Variants in PRDM1 observed in about 807,000 individuals in gnomAD.
PRDM1 encodes the protein PR domain zinc finger protein 1.
A neutral mutation model predicts 62.8 loss-of-function variants in PRDM1; 13 were observed. The ratio of observed to expected loss-of-function variants is 0.21; its 90% CI spans 0.13 to 0.33. The LOEUF (loss-of-function observed/expected upper bound fraction) is 0.33. Among genes scored for constraint, PRDM1 ranks in the 10% least tolerant of loss-of-function variants. The probability of loss-of-function intolerance (pLI) is 1.00; values close to 1 mark genes in which losing one functional copy is unlikely to be tolerated. For synonymous variants in PRDM1, 396 were observed against 417.6 expected, an observed-to-expected ratio of 0.95 and a Z score of 0.63; for missense variants, 895 against 1,058.8, an observed-to-expected ratio of 0.85 and a Z score of 2.15.
Position 106,105,566 on chromosome 6 carries a change from C to T in PRDM1, c.1406C>T (p.Ser469Leu), listed in dbSNP as rs746535819. The change falls in exon 5 of 7, where the codon TCG becomes TTG. Residue 469 changes from serine to leucine, a missense_variant. Ser to Leu is a moderately radical substitution (Grantham distance 145). Around this residue, in one of 4 missense-constraint regions of PRDM1, gnomAD observed 444 missense variants for 422.7 expected, o/e 1.05. Coordinates refer to ENST00000369096, the MANE Select transcript of PRDM1 (RefSeq NM_001198.4). ...PMLNPTSLPSSLPSDGARRLL... is the reference protein window; with the variant it reads ...PMLNPTSLPSLLPSDGARRLL... ...CTCAACCCCACTTCTCTCCCGAGCT[C>T]GCTGCCCTCAGATGGAGCCCGGAGG... 14 of 1,612,764 alleles carry T rather than the reference C, an allele frequency of 8.7e-6. No homozygotes were observed. The highest frequency in any genetic ancestry group is 2.7e-5 in the African/African-American group (2 of 75,030).
chr6:106,093,544 C>G (rs1165269766), intron 2 of PRDM1, among the ~76,000 whole-genome samples: 1 of 152,106 alleles, frequency 6.6e-6, no homozygotes, highest in Non-Finnish European at 1.5e-5. Context: ...ATGGAATAAT[C>G]ACTGAAATAT....
chr6:106,071,939 C>T (rs1562159448), intron 1 of PRDM1: 2 of 152,206 alleles, frequency 1.3e-5, no homozygotes, highest in Admixed American at 6.5e-5. Context: ...GCCTGGCTCC[C>T]ACCCCAGCAT....
intron 2 of PRDM1, among the ~76,000 whole-genome samples, chr6:106,090,959 A>T (rs955631180): frequency 6.6e-6 from 1 of 152,088 alleles, no homozygotes; most frequent in African/African-American, 2.4e-5. Context: ...TGGGTTTAGA[A>T]TCATTCTGCA....
At chr6:106,098,848 A>G (rs1026724923) in intron 3 of PRDM1, 5 of 1,527,496 alleles carry the variant, frequency 3.3e-6, no homozygotes, top group African/African-American at 1.4e-5. Context: ...AGGCCATAGA[A>G]AAAGCTAAGA....
At chr6:106,090,189 G>T (rs1169642583) in intron 2 of PRDM1, among the ~76,000 whole-genome samples, 3 of 152,162 alleles carry the variant, frequency 2.0e-5, no homozygotes, top group Non-Finnish European at 4.4e-5. Context: ...GCCCCTCTTG[G>T]TGTCACTGTG....
intron 2 of PRDM1, among the ~76,000 whole-genome samples, chr6:106,092,232 T>C (rs1773985001): frequency 1.3e-5 from 2 of 151,896 alleles, no homozygotes; most frequent in South Asian, 4.1e-4. Flanking sequence ...CTTCATTGTG[T>C]AAAATTGAAA....
At chr6:106,059,278 G>GAT (rs1749965478) in intron 1 of PRDM1, among the ~76,000 whole-genome samples, 4 of 152,294 alleles carry the variant, frequency 2.6e-5, no homozygotes, top group Admixed American at 2.6e-4. Context: ...CACTATTTTA[G>GAT]ATAGAGCTCT....
intron 1 of PRDM1, among the ~76,000 whole-genome samples, chr6:105,998,933 ATTT>A (rs754830624): frequency 6.2e-4 from 4 of 6,404 alleles, no homozygotes; most frequent in Non-Finnish European, 1.1e-3. Flanking sequence ...ATATATATAT[ATTT>A]TTTTTTTTTT....
intron 1 of PRDM1, among the ~76,000 whole-genome samples, chr6:106,000,119 G>A (rs1582421374): frequency 6.6e-6 from 1 of 152,208 alleles, no homozygotes; most frequent in African/African-American, 2.4e-5. Flanking sequence ...AAAGTGCTGG[G>A]ATTACAGGCG....
intron 1 of PRDM1, among the ~76,000 whole-genome samples, chr6:106,061,974 A>G (rs749625601): frequency 6.6e-6 from 1 of 152,230 alleles, no homozygotes; most frequent in Non-Finnish European, 1.5e-5. Context: ...TGATTATCAG[A>G]TTGGCAAAGA....
chr6:106,036,325 CTAACT>C (rs1562149747), intron 1 of PRDM1, among the ~76,000 whole-genome samples: 1 of 151,458 alleles, frequency 6.6e-6, no homozygotes, highest in African/African-American at 2.4e-5. Context: ...ACCATGCACT[CTAACT>C]TAAGTAGAGA....
intron 1 of PRDM1, among the ~76,000 whole-genome samples, chr6:106,026,002 A>C (rs1449360229): frequency 6.6e-6 from 1 of 152,184 alleles, no homozygotes; most frequent in African/African-American, 2.4e-5. Flanking sequence ...ATCTTCCCTC[A>C]TATTCTCTAA....
rs1774482070 is a variant in PRDM1 at position 106,106,186 on chromosome 6, T to C, written c.1774-185T>C. 6.6e-6 allele frequency among the ~76,000 whole-genome samples: 1 copy of C among 152,232 alleles called. No homozygotes were observed. The highest frequency in any genetic ancestry group is 2.1e-4 in the South Asian group (1 of 4,830). ...GACTAGAAGATTAGGTGAAACTCCC[T>C]GCTAGCCTGTGATTTTTGTGCTTTT... On this transcript the variant is annotated intron_variant, in intron 5 of 6. Transcript: ENST00000369096. The surrounding 1 kb of genome is among the most constrained non-coding windows in gnomAD (Gnocchi z 4.4).
intron 1 of PRDM1, among the ~76,000 whole-genome samples, chr6:106,078,753 G>C (rs1379982219): frequency 6.6e-6 from 1 of 151,952 alleles, no homozygotes; most frequent in African/African-American, 2.4e-5. Flanking sequence ...GGTGCCTCTA[G>C]TCCTAGCTAC....
chr6:106,045,542 G>A (rs749012440), upstream of PRDM1: 1 of 152,132 alleles, frequency 6.6e-6, no homozygotes, highest in Non-Finnish European at 1.5e-5. Flanking sequence ...GCTAATCTTT[G>A]TACAGTATTT....
Position 106,106,680 on chromosome 6 carries a change from C to G in PRDM1, c.1902+181C>G, listed in dbSNP as rs1370154523. 6.6e-6 allele frequency among the ~76,000 whole-genome samples: 1 copy of G among 152,206 alleles called. No homozygotes were observed. Among genetic ancestry groups the G allele is most frequent in the Non-Finnish European group, 1.5e-5 (1 of 68,038 alleles). On this transcript the variant is annotated intron_variant, in intron 6 of 6. Transcript: ENST00000369096. The surrounding 1 kb of genome is among the most constrained non-coding windows in gnomAD (Gnocchi z 4.4). Reference sequence around the variant, plus strand: ...TATCTGCTGATGACTTGAGATGGCACAGCCAGCTTCCAGTGGGTGGGAAAA... The same window carrying G: ...TATCTGCTGATGACTTGAGATGGCAGAGCCAGCTTCCAGTGGGTGGGAAAA...
At chr6:106,024,345 G>A (rs144558532) in intron 1 of PRDM1, among the ~76,000 whole-genome samples, 187 of 152,198 alleles carry the variant, frequency 1.2e-3, no homozygotes, top group African/African-American at 4.3e-3. Context: ...ATTGTCATAC[G>A]TTAATATATT....
At chr6:106,079,037 T>G (rs111516212) in intron 1 of PRDM1, among the ~76,000 whole-genome samples, 1 of 151,984 alleles carries the variant, frequency 6.6e-6, no homozygotes, top group African/African-American at 2.4e-5. Flanking sequence ...CTCAGCTTAC[T>G]GCAACCTCTG....
Position 106,101,121 on chromosome 6 carries a change from G to A in PRDM1, c.664+1569G>A, listed in dbSNP as rs565113761. On this transcript the variant is annotated intron_variant, in intron 4 of 6. Coordinates refer to ENST00000369096, the MANE Select transcript of PRDM1 (RefSeq NM_001198.4). ...TCCAGCTGTGCGTCTCAGAAGAAGC[G>A]CACAGCTCCCTCCTGGCTTTCTTAA... 1.3e-4 allele frequency among the ~76,000 whole-genome samples: 20 copies of A among 152,188 alleles called. No individual in the cohort carries two copies. The South Asian group carries it at 2.1e-3, about 16-fold the overall frequency.
Sources: gnomAD v4.1 joint callset for allele counts (sites outside exome capture counted in the v4.1 genomes callset) on GRCh38, gnomAD v4.1.1 for gene constraint, gnomAD v4.1.1 regional missense constraint, Gnocchi (gnomAD v3.1) non-coding constraint, MANE v1.5 for transcripts, NCBI Gene and HGNC (gene_info 2026-07-23, HGNC 2026-07-21) for gene names.